Variants in GLI3 observed in about 807,000 individuals in gnomAD.
GLI3 encodes GLI family zinc finger 3.
In GLI3, 20 loss-of-function variants were observed where a neutral mutation model predicts 100.8. That is an observed-to-expected ratio of 0.20 (90% CI 0.14 to 0.29). GLI3 has a LOEUF of 0.29. Ranked by LOEUF, GLI3 falls within the 10% of genes least tolerant of loss-of-function variation. The pLI is 1.00. For missense variants in GLI3, 2,040 were observed against 2,128.5 expected (o/e 0.96, Z 0.82); for synonymous variants, 938 against 860.5 (o/e 1.09, Z -1.58).
At chr7:42,200,806 A>AG (rs1052924566) in intron 2 of GLI3, among the ~76,000 whole-genome samples, 8 of 46,494 alleles carry the variant, frequency 1.7e-4, no homozygotes, top group African/African-American at 3.8e-4. Context: ...AACTTTTCAG[A>AG]AAAAAAAAAT....
chr7:42,064,477 A>G (rs1784634627), intron 4 of GLI3, among the ~76,000 whole-genome samples: 1 of 152,198 alleles, frequency 6.6e-6, no homozygotes, highest in Non-Finnish European at 1.5e-5. Context: ...TATTATGAAA[A>G]CAGATGATTA....
chr7:42,005,901 G>A (rs577285340), intron 10 of GLI3, among the ~76,000 whole-genome samples: 21 of 152,254 alleles, frequency 1.4e-4, no homozygotes, highest in African/African-American at 3.9e-4. Context: ...TTTTCAGGGC[G>A]TGAGGGATGG....
intron 1 of GLI3, among the ~76,000 whole-genome samples, chr7:42,228,463 T>A (rs1165578011): frequency 6.6e-6 from 1 of 152,218 alleles, no homozygotes; most frequent in Non-Finnish European, 1.5e-5. Context: ...AGAAGCGGTC[T>A]GTATCAAGGC....
intron 4 of GLI3, among the ~76,000 whole-genome samples, chr7:42,062,321 A>G (rs1562709986): frequency 6.6e-6 from 1 of 152,150 alleles, no homozygotes; most frequent in South Asian, 2.1e-4. Context: ...AAATTTAGTG[A>G]CCCATCACTT....
intron 2 of GLI3, among the ~76,000 whole-genome samples, chr7:42,194,757 C>CTTTTTTTTT (rs1338910591): frequency 1.2e-5 from 1 of 81,860 alleles, no homozygotes; most frequent in Non-Finnish European, 2.4e-5. Context: ...CTCTCTCTGT[C>CTTTTTTTTT]TCTTTTTTTT....
chr7:42,244,908 C>T (rs538939173), intron 1 of GLI3, among the ~76,000 whole-genome samples: 4 of 152,264 alleles, frequency 2.6e-5, no homozygotes, highest in South Asian at 4.1e-4. Flanking sequence ...GCACCTTTTA[C>T]AATAGGTCTT....
intron 3 of GLI3, among the ~76,000 whole-genome samples, chr7:42,140,041 A>T (rs1172079278): frequency 6.6e-6 from 1 of 152,142 alleles, no homozygotes; most frequent in Non-Finnish European, 1.5e-5. Context: ...AACCACAAAG[A>T]TTCTTCTCAA....
chr7:42,156,422 ATCTC>A (rs1268827800), intron 2 of GLI3, among the ~76,000 whole-genome samples: 1 of 152,188 alleles, frequency 6.6e-6, no homozygotes, highest in Non-Finnish European at 1.5e-5. Flanking sequence ...ATTTATGACT[ATCTC>A]TCTCTGTGAG....
intron 2 of GLI3, among the ~76,000 whole-genome samples, chr7:42,194,873 T>C (rs1787897241): frequency 6.6e-6 from 1 of 150,606 alleles, no homozygotes; most frequent in Non-Finnish European, 1.5e-5. Context: ...TTCAAGCGAT[T>C]CTCCTGCCTC....
chr7:42,029,867 ACT>A (rs1789236466), intron 7 of GLI3, among the ~76,000 whole-genome samples: 1 of 150,992 alleles, frequency 6.6e-6, no homozygotes, highest in Non-Finnish European at 1.5e-5. Flanking sequence ...ACTCTCTAAA[ACT>A]CTTTCTGTCT....
chr7:42,105,963 A>T (rs1288190586), intron 3 of GLI3, among the ~76,000 whole-genome samples: 1 of 152,196 alleles, frequency 6.6e-6, no homozygotes, highest in African/African-American at 2.4e-5. Flanking sequence ...ATTTCTCAGT[A>T]CATACCTCAA....
chr7:42,169,392 T>C (rs1787314693), intron 2 of GLI3, among the ~76,000 whole-genome samples: 1 of 152,164 alleles, frequency 6.6e-6, no homozygotes, highest in African/African-American at 2.4e-5. Flanking sequence ...TTGTATTTCA[T>C]TGTGTTATGA....
intron 2 of GLI3, among the ~76,000 whole-genome samples, chr7:42,209,735 G>A (rs1788224344): frequency 1.3e-5 from 2 of 151,650 alleles, no homozygotes; most frequent in Admixed American, 1.3e-4. Context: ...TACAAAATTA[G>A]CTAGGCTACA....
chr7:42,094,703 C>T (rs1041669834), intron 3 of GLI3, among the ~76,000 whole-genome samples: 10 of 151,038 alleles, frequency 6.6e-5, no homozygotes, highest in African/African-American at 2.4e-4. Context: ...CACTGCACTC[C>T]AGCCTGGGTG....
intron 2 of GLI3, among the ~76,000 whole-genome samples, chr7:42,181,437 T>A (rs3779170): frequency 1.3e-5 from 2 of 151,460 alleles, no homozygotes; most frequent in African/African-American, 4.9e-5. Context: ...CCTGTCTCTA[T>A]AAAAAAATCC....
chr7:42,216,257 G>C (rs1171544275), intron 2 of GLI3, among the ~76,000 whole-genome samples: 1 of 152,334 alleles, frequency 6.6e-6, no homozygotes, highest in African/African-American at 2.4e-5. Flanking sequence ...CACACTGAAT[G>C]TGAGCAGGGA....
At chr7:42,095,107 T>C (rs546301492) in intron 3 of GLI3, among the ~76,000 whole-genome samples, 11 of 152,326 alleles carry the variant, frequency 7.2e-5, no homozygotes, top group African/African-American at 2.6e-4. Flanking sequence ...TGGTGACTCC[T>C]AAGCAGCTCA....
At chr7:42,136,903 G>C (rs1265170067) in intron 3 of GLI3, among the ~76,000 whole-genome samples, 1 of 152,220 alleles carries the variant, frequency 6.6e-6, no homozygotes, top group East Asian at 1.9e-4. Flanking sequence ...TGGCAACCTA[G>C]CCACGCTCTT....
chr7:42,116,965 G>A (rs1482745491), intron 3 of GLI3, among the ~76,000 whole-genome samples: 2 of 152,250 alleles, frequency 1.3e-5, no homozygotes, highest in African/African-American at 4.8e-5. Flanking sequence ...TCAGCCATAC[G>A]CAGATATCAC....
Sources: gnomAD v4.1 joint callset for allele counts (sites outside exome capture counted in the v4.1 genomes callset) on GRCh38, gnomAD v4.1.1 for gene constraint, MANE v1.5 for transcripts, NCBI Gene and HGNC (gene_info 2026-07-23, HGNC 2026-07-21) for gene names.